Variants in DLC1 observed in about 807,000 individuals in gnomAD.
The protein encoded by DLC1 is DLC1 Rho GTPase activating protein.
A neutral mutation model predicts 140.3 loss-of-function variants in DLC1; 54 were observed. The observed-to-expected ratio is 0.38, with a 90% CI of 0.31 to 0.48. DLC1 has a LOEUF of 0.48. Among genes scored for constraint, DLC1 ranks in the 20% least tolerant of loss-of-function variants. The pLI is 0.96. For missense variants in DLC1, 2,536 were observed against 1,907.0 expected (o/e 1.33, Z -6.14); for synonymous variants, 986 against 728.1 (o/e 1.35, Z -5.70).
At chr8:13,276,317 G>T in intron 5 of DLC1, 1 of 1,535,528 alleles carries the variant, frequency 6.5e-7, no homozygotes, top group Non-Finnish European at 8.7e-7. Context: ...CTCTGGCCGT[G>T]GAGTCCCTGA....
At chr8:13,170,535 C>T (rs1412789291) in intron 5 of DLC1, among the ~76,000 whole-genome samples, 1 of 152,054 alleles carries the variant, frequency 6.6e-6, no homozygotes, top group Non-Finnish European at 1.5e-5. Context: ...TCGAGACCAT[C>T]CTGGCCAACA....
At chr8:13,312,360 C>CAAAAAAAAAAAAA (rs777597726) in intron 4 of DLC1, among the ~76,000 whole-genome samples, 14 of 6,628 alleles carry the variant, frequency 2.1e-3, no homozygotes, top group East Asian at 0.01. Flanking sequence ...GACTCCGTCT[C>CAAAAAAAAAAAAA]AAAAAAAAAA....
At chr8:13,431,264 A>T (rs1838850795) in intron 2 of DLC1, among the ~76,000 whole-genome samples, 1 of 152,030 alleles carries the variant, frequency 6.6e-6, no homozygotes, top group Non-Finnish European at 1.5e-5. Flanking sequence ...CGGGCGGATC[A>T]CGAGGTCAGG....
intron 4 of DLC1, among the ~76,000 whole-genome samples, chr8:13,345,173 A>G (rs1274226567): frequency 2.0e-5 from 3 of 152,188 alleles, no homozygotes; most frequent in Non-Finnish European, 4.4e-5. Flanking sequence ...GAAGAAATTC[A>G]TATAGAATTG....
intron 1 of DLC1, among the ~76,000 whole-genome samples, chr8:13,529,290 A>C (rs936366025): frequency 1.3e-5 from 2 of 152,312 alleles, no homozygotes; most frequent in Middle Eastern, 3.4e-3. Context: ...TTTAAAGATA[A>C]TTATAACAAT....
At chr8:13,573,244 A>G (rs1305115658) in intron 1 of DLC1, among the ~76,000 whole-genome samples, 2 of 152,150 alleles carry the variant, frequency 1.3e-5, no homozygotes, top group African/African-American at 2.4e-5. Flanking sequence ...AAATTTTTTT[A>G]AAAAATTCTT....
At chr8:13,290,365 G>A (rs1831710246) in intron 5 of DLC1, among the ~76,000 whole-genome samples, 1 of 152,136 alleles carries the variant, frequency 6.6e-6, no homozygotes, top group African/African-American at 2.4e-5. Flanking sequence ...GGTTCAGCAG[G>A]CCTGGAGGCA....
chr8:13,277,158 A>G (rs1022594037), intron 5 of DLC1, among the ~76,000 whole-genome samples: 2 of 152,072 alleles, frequency 1.3e-5, no homozygotes, highest in African/African-American at 4.8e-5. Context: ...CACCCCTACA[A>G]GAAATTAGGC....
At position 13,305,297 on chromosome 8, in the gene DLC1, A is replaced by C; in HGVS notation, c.1320T>G (p.Ile440Met). 6.2e-7 allele frequency: 1 copy of C among 1,600,288 alleles called. No individual in the cohort carries two copies. The highest frequency in any genetic ancestry group is 1.1e-5 in the South Asian group (1 of 87,010). The change falls in exon 5 of 18, where the codon ATT becomes ATG. Residue 440 changes from isoleucine to methionine, a missense_variant. Transcript: ENST00000276297. Reference protein sequence around the residue: ...NSGTKPKTTAIQGISEKEKAE... With the variant: ...NSGTKPKTTAMQGISEKEKAE... ...CCTTTTCCTTCTCTGAAATACCTTG[A>C]ATAGCCTGAAAAAAAAGACACAAAA... is the stretch of plus-strand genomic sequence containing the variant.
intron 5 of DLC1, among the ~76,000 whole-genome samples, chr8:13,282,625 C>T (rs1019145088): frequency 6.6e-6 from 1 of 151,836 alleles, no homozygotes; most frequent in Non-Finnish European, 1.5e-5. Context: ...TATTTTATTC[C>T]TATTATATTT....
chr8:13,323,978 T>A (rs1833230517), intron 4 of DLC1, among the ~76,000 whole-genome samples: 1 of 152,222 alleles, frequency 6.6e-6, no homozygotes, highest in Admixed American at 6.5e-5. Context: ...TGTGTCCCCA[T>A]GTCCTTAATG....
intron 4 of DLC1, among the ~76,000 whole-genome samples, chr8:13,385,029 A>G (rs771710244): frequency 1.3e-5 from 2 of 152,144 alleles, no homozygotes; most frequent in Non-Finnish European, 2.9e-5. Flanking sequence ...AAGAAGGCCA[A>G]TATATAAAAG....
chr8:13,564,114 A>G (rs1380003581), intron 1 of DLC1, among the ~76,000 whole-genome samples: 1 of 152,158 alleles, frequency 6.6e-6, no homozygotes, highest in Non-Finnish European at 1.5e-5. Context: ...ACTTTTGCAA[A>G]AAAATAGCTA....
chr8:13,501,381 G>C (rs1027261115), intron 1 of DLC1, among the ~76,000 whole-genome samples: 11 of 152,058 alleles, frequency 7.2e-5, no homozygotes, highest in African/African-American at 2.7e-4. Flanking sequence ...CCCAAATTTT[G>C]CCCCACAATG....
At chr8:13,233,039 A>G in intron 5 of DLC1, among the ~76,000 whole-genome samples, 1 of 152,196 alleles carries the variant, frequency 6.6e-6, no homozygotes, top group Non-Finnish European at 1.5e-5. Flanking sequence ...TCATGCCTGT[A>G]ATCCCAGGAC....
At chr8:13,545,480 G>A (rs1440358034) in intron 1 of DLC1, among the ~76,000 whole-genome samples, 1 of 152,018 alleles carries the variant, frequency 6.6e-6, no homozygotes, top group Non-Finnish European at 1.5e-5. Context: ...CCCCAGAGTA[G>A]CTTTTTCCAT....
At chr8:13,350,784 A>G (rs1461852333) in intron 4 of DLC1, among the ~76,000 whole-genome samples, 1 of 152,196 alleles carries the variant, frequency 6.6e-6, no homozygotes, top group Non-Finnish European at 1.5e-5. Flanking sequence ...GAAATTGTTC[A>G]TATTAGAATA....
intron 5 of DLC1, among the ~76,000 whole-genome samples, chr8:13,184,163 C>G (rs1351686830): frequency 1.3e-5 from 2 of 152,042 alleles, no homozygotes; most frequent in African/African-American, 4.8e-5. Flanking sequence ...GTGGTGATAT[C>G]CCCTTTATCA....
chr8:13,250,946 A>G (rs1829977428), intron 5 of DLC1, among the ~76,000 whole-genome samples: 1 of 152,178 alleles, frequency 6.6e-6, no homozygotes, highest in Admixed American at 6.5e-5. Flanking sequence ...AATTCAGTGC[A>G]TTGCTGTGTA....
Sources: allele counts gnomAD v4.1 joint callset (sites outside exome capture counted in the v4.1 genomes callset), GRCh38; gene constraint gnomAD v4.1.1; transcripts MANE v1.5; gene names NCBI Gene and HGNC (gene_info 2026-07-23, HGNC 2026-07-21).